The following ZAP70 variants were observed in gnomAD, a reference collection of about 807,000 sequenced individuals.
ZAP70 encodes the protein tyrosine-protein kinase ZAP-70.
In ZAP70, 27 loss-of-function variants were observed where a neutral mutation model predicts 65.8. The ratio of observed to expected loss-of-function variants is 0.41; its 90% CI spans 0.30 to 0.57. The LOEUF (loss-of-function observed/expected upper bound fraction) is 0.57. ZAP70 is among the 20% of genes least tolerant of loss of function. ZAP70 has a pLI of 0.28. For missense variants in ZAP70, 696 were observed against 870.5 expected (o/e 0.80, Z 2.52); for synonymous variants, 363 against 360.8 (o/e 1.01, Z -0.07).
downstream of ZAP70, among the ~76,000 whole-genome samples, chr2:97,743,569 C>T (rs990592221): frequency 3.3e-5 from 5 of 152,224 alleles, no homozygotes; most frequent in African/African-American, 1.2e-4. Context: ...CTCCTGATCT[C>T]AGGTGATCCA....
At chr2:97,745,538 T>A in the ZAP70 span, among the ~76,000 whole-genome samples, 2 of 152,202 alleles carry the variant, frequency 1.3e-5, no homozygotes, top group African/African-American at 4.8e-5. Context: ...ACAGATGCTA[T>A]ACAAATGGTT....
intron 2 of ZAP70, among the ~76,000 whole-genome samples, chr2:97,721,558 C>T (rs550342193): frequency 8.8e-5 from 13 of 148,450 alleles, no homozygotes; most frequent in East Asian, 2.0e-4. Flanking sequence ...GGACTACAGG[C>T]GCCCGCCACC....
downstream of ZAP70, among the ~76,000 whole-genome samples, chr2:97,741,538 C>T (rs1296980464): frequency 2.6e-5 from 4 of 152,114 alleles, no homozygotes; most frequent in Non-Finnish European, 5.9e-5. Context: ...GAAAGCTCCC[C>T]GTTCCCTCCC....
chr2:97,717,506 TG>T (rs898799650), intron 2 of ZAP70, among the ~76,000 whole-genome samples: 6 of 150,744 alleles, frequency 4.0e-5, no homozygotes, highest in Non-Finnish European at 7.4e-5. Context: ...AGCCTCTGGC[TG>T]GGGGGACATG....
At chr2:97,720,098 G>A (rs540400309) in intron 2 of ZAP70, among the ~76,000 whole-genome samples, 53 of 152,296 alleles carry the variant, frequency 3.5e-4, no homozygotes, top group Non-Finnish European at 7.1e-4. Context: ...AAACATGTAA[G>A]TTATTCCTAA....
chr2:97,754,270 C>A, the ZAP70 span, among the ~76,000 whole-genome samples: 1 of 152,250 alleles, frequency 6.6e-6, no homozygotes, highest in East Asian at 1.9e-4. Flanking sequence ...TGGCGAGGCT[C>A]ATGGGGTGAA....
intron 2 of ZAP70, among the ~76,000 whole-genome samples, chr2:97,717,892 C>T (rs1677001655): frequency 1.3e-5 from 2 of 152,140 alleles, no homozygotes; most frequent in Admixed American, 1.3e-4. Context: ...TGACCAGGCT[C>T]CAAGGCTTCC....
intron 3 of ZAP70, 44 bp downstream of exon 3, chr2:97,724,482 GAA>G: frequency 6.6e-7 from 1 of 1,509,952 alleles, no homozygotes. Context: ...GGGCGTGGCC[GAA>G]GAGGGGCAGT....
chr2:97,749,029 A>C, the ZAP70 span, among the ~76,000 whole-genome samples: 7 of 80,260 alleles, frequency 8.7e-5, no homozygotes, highest in Admixed American at 1.2e-3. Context: ...TTTTTTTTTG[A>C]GACGGAGTCT....
Position 97,733,196 on chromosome 2 carries a change from T to C in ZAP70, c.774T>C (p.Ser258=), listed in dbSNP as rs201015590. The change falls in exon 6 of 14, where the codon AGT becomes AGC. Residue 258 remains serine, a synonymous_variant. Coordinates refer to ENST00000264972, the MANE Select transcript of ZAP70 (RefSeq NM_001079.4). The stretch of plus-strand genomic sequence containing the variant: ...TGAAGGAGGCCTGCCCCAACAGCAG[T>C]GCCAGCAACGCCTCAGGTGACGGCA... ...YCLKEACPNS[S]ASNASGAAAP... 89 of 1,613,598 alleles carry C rather than the reference T, an allele frequency of 5.5e-5. 1 individual carries two copies. In the Admixed American group the frequency reaches 1.3e-3, roughly 24 times the overall value.
At chr2:97,732,858 T>C (rs1426918579) in intron 4 of ZAP70, 25 bp from the exon 5 acceptor site, 2 of 1,613,524 alleles carry the variant, frequency 1.2e-6, no homozygotes, top group Non-Finnish European at 1.7e-6. Context: ...CTCTAGGGGT[T>C]ACATCCCCTC....
At position 97,717,394 on chromosome 2, in the gene ZAP70, G is replaced by GA. The variant is rs1676974477; in HGVS notation, c.-22+3400_-22+3401insA. Among the ~76,000 whole-genome samples the GA allele has an allele frequency of 2.7e-5, 4 of 146,986 alleles. No individual in the cohort carries two copies. In the South Asian group the frequency reaches 8.6e-4, roughly 32 times the overall value. ...GAGACATGCGGAGCCTCTGGCTGGG[G>GA]GGACATGCGGAGCCTCTGAGCCTCT... On this transcript the variant is annotated intron_variant, in intron 2 of 13. Transcript: ENST00000264972.
Position 97,739,852 on chromosome 2 carries a change from TC to T in ZAP70, c.*357del. 3.3e-6 allele frequency: 1 copy of T among 304,188 alleles called. No individual in the cohort carries two copies. The highest frequency in any genetic ancestry group is 6.3e-6 in the Non-Finnish European group (1 of 159,650). The allele number at this position is 304,188 out of a possible 1,614,324, so 18.8% of individuals were successfully genotyped here. On this transcript the variant is annotated 3_prime_UTR_variant, in exon 14 of 14. Coordinates refer to ENST00000264972, the MANE Select transcript of ZAP70 (RefSeq NM_001079.4). ...GTAGATCACCAGAATAAACCCAGCT[TC>T]CCTCTTGTCTGAGCGCCCTCATCTT... is the stretch of plus-strand genomic sequence containing the variant.
In ZAP70 at chr2:97,737,959, G is replaced by A. The variant is rs1280235153; in HGVS notation, c.1624-36G>A. ...GGAGGGGGATGAGGAGGAGGACACTGGTCACTCACAGGTGTCTCTGCCCCG... is the reference window on the plus strand; with the variant it reads ...GGAGGGGGATGAGGAGGAGGACACTAGTCACTCACAGGTGTCTCTGCCCCG... On this transcript the variant is annotated intron_variant, in intron 12 of 13. Transcript: ENST00000264972. The surrounding 1 kb of genome is among the most constrained non-coding windows in gnomAD (Gnocchi z 5.0). 1.2e-6 allele frequency: 2 copies of A among 1,614,000 alleles called. No homozygotes were observed. Among genetic ancestry groups the A allele is most frequent in the Non-Finnish European group, 8.5e-7 (1 of 1,179,892 alleles).
chr2:97,727,756 G>T (rs754131428), intron 4 of ZAP70, among the ~76,000 whole-genome samples: 54 of 152,008 alleles, frequency 3.6e-4, no homozygotes, highest in Non-Finnish European at 7.1e-4. Context: ...CCCCAATGTA[G>T]CTTTTCATCC....
At chr2:97,750,629 A>G in the ZAP70 span, among the ~76,000 whole-genome samples, 3 of 152,242 alleles carry the variant, frequency 2.0e-5, no homozygotes, top group African/African-American at 7.2e-5. Flanking sequence ...CTGCAAGACA[A>G]GGGCCTAGAG....
the ZAP70 span, among the ~76,000 whole-genome samples, chr2:97,751,959 T>C: frequency 1.3e-5 from 2 of 152,294 alleles, no homozygotes; most frequent in South Asian, 4.1e-4. Flanking sequence ...ACACTGGGGA[T>C]CATATTTCAA....
chr2:97,739,379 G>C lies in ZAP70; in HGVS notation c.1741G>C (p.Glu581Gln). ...LMSDCWIYKW[E>Q]DRPDFLTVEQ... ...GATGTACCCCACGCCCCACAGGTGG[G>C]AGGATCGCCCCGACTTCCTGACCGT... Residue 581 changes from glutamate to glutamine, a missense_variant, in exon 14 of 14, where the codon GAG becomes CAG. Glu to Gln is a conservative substitution (Grantham distance 29, BLOSUM62 2). This residue lies in a region of ZAP70 where 78 missense variants were observed against 88.6 expected (regional missense o/e 0.88). Transcript: ENST00000264972. 14 of 1,613,466 alleles carry C rather than the reference G, an allele frequency of 8.7e-6. No individual in the cohort carries two copies. Among genetic ancestry groups the C allele is most frequent in the Non-Finnish European group, 1.1e-5 (13 of 1,179,864 alleles).
At chr2:97,726,784 C>G (rs991337395) in intron 4 of ZAP70, among the ~76,000 whole-genome samples, 1 of 152,266 alleles carries the variant, frequency 6.6e-6, no homozygotes. Context: ...ACGTAATACT[C>G]AGTTGCCGGC....
Sources: gnomAD v4.1 joint callset for allele counts (sites outside exome capture counted in the v4.1 genomes callset) on GRCh38, gnomAD v4.1.1 for gene constraint, gnomAD v4.1.1 regional missense constraint, Gnocchi (gnomAD v3.1) non-coding constraint, MANE v1.5 for transcripts, NCBI Gene and HGNC (gene_info 2026-07-23, HGNC 2026-07-21) for gene names.